Variants in EFHD1 observed in about 807,000 individuals in gnomAD.
The protein encoded by EFHD1 is EF-hand domain-containing protein D1.
A neutral mutation model predicts 17.2 loss-of-function variants in EFHD1; 10 were observed. The ratio of observed to expected loss-of-function variants is 0.58; its 90% confidence interval spans 0.36 to 0.99. The LOEUF (loss-of-function observed/expected upper bound fraction) is 0.99, where lower values mean the gene tolerates loss of function less well. EFHD1 is among the 50% of genes least tolerant of loss of function. The pLI is 0.01. For missense variants in EFHD1, 310 were observed against 327.5 expected, an observed-to-expected ratio of 0.95 and a Z score of 0.41; for synonymous variants, 153 against 142.0, an observed-to-expected ratio of 1.08 and a Z score of -0.55.
intron 3 of EFHD1, among the ~76,000 whole-genome samples, chr2:232,680,846 A>G (rs1349507757): frequency 6.6e-6 from 1 of 151,948 alleles, no homozygotes; most frequent in Non-Finnish European, 1.5e-5. Flanking sequence ...CCTTTGCCAT[A>G]GACAGATGGA....
At chr2:232,649,067 C>T (rs1411698534) in intron 1 of EFHD1, among the ~76,000 whole-genome samples, 1 of 152,134 alleles carries the variant, frequency 6.6e-6, no homozygotes, top group African/African-American at 2.4e-5. Flanking sequence ...AGGATAATTC[C>T]TGGGAGGGAA....
rs1695315200 is a variant in EFHD1 at position 232,682,765 on chromosome 2, T to C, written c.*1046T>C. ...TGCTGTCTTTACAATAAAGAAATCA[T>C]CTGCCTTTCTATCTTACAGCTATTT... On this transcript the variant is annotated 3_prime_UTR_variant, in exon 4 of 4. Transcript: ENST00000264059. The C allele has an allele frequency of 6.6e-6, 1 of 152,240 alleles. No homozygotes were observed. Among genetic ancestry groups the C allele is most frequent in the Non-Finnish European group, 1.5e-5 (1 of 68,042 alleles). The allele number at this position is 152,240 out of a possible 1,614,324, so 9.4% of individuals were successfully genotyped here.
chr2:232,652,368 C>G (rs1169337094), intron 1 of EFHD1, among the ~76,000 whole-genome samples: 12 of 152,136 alleles, frequency 7.9e-5, no homozygotes, highest in Non-Finnish European at 1.5e-5. Context: ...GGACACTGAG[C>G]ACACACTGTG....
At chr2:232,643,203 GAAAA>G (rs1026309159) in intron 1 of EFHD1, among the ~76,000 whole-genome samples, 26 of 151,412 alleles carry the variant, frequency 1.7e-4, no homozygotes, top group African/African-American at 6.3e-4. Context: ...AAAAAAAAAA[GAAAA>G]AATAAACAAT....
chr2:232,619,252 A>C (rs115728317), intron 1 of EFHD1, among the ~76,000 whole-genome samples: 51 of 151,832 alleles, frequency 3.4e-4, no homozygotes, highest in African/African-American at 1.2e-3. Context: ...AGAAAAGCAG[A>C]TTGGTTGTTG....
chr2:232,661,328 C>T (rs1010105841), intron 1 of EFHD1, among the ~76,000 whole-genome samples: 3 of 152,084 alleles, frequency 2.0e-5, no homozygotes, highest in Admixed American at 2.0e-4. Context: ...TCTCTCCCAG[C>T]CCCTGGCAAC....
chr2:232,678,271 G>GA lies in EFHD1; in HGVS notation c.586-3303dup, dbSNP rs200975760. ...ACAGAGTAAGACTCCATCTCAAAAA[G>GA]AAAAAAAAAAAGAATCTTAAAACTT... On this transcript the variant is annotated intron_variant, in intron 3 of 3. Transcript: ENST00000264059. Among the ~76,000 whole-genome samples the GA allele has an allele frequency of 2.7e-3, 364 of 134,456 alleles. 6 individuals carry two copies. Among genetic ancestry groups the GA allele is most frequent in the Admixed American group, 0.02 (263 of 13,304 alleles). 88.2% of individuals were successfully genotyped at this position (134,456 alleles called of 152,430 possible).
At chr2:232,606,263 C>A (rs2106269230) in intron 1 of EFHD1, 4 of 1,455,180 alleles carry the variant, frequency 2.7e-6, no homozygotes, top group African/African-American at 2.8e-5. Flanking sequence ...AGAATAGGTG[C>A]GCGGTAATTC....
chr2:232,651,975 T>C (rs1288224564), intron 1 of EFHD1, among the ~76,000 whole-genome samples: 1 of 152,160 alleles, frequency 6.6e-6, no homozygotes, highest in Non-Finnish European at 1.5e-5. Context: ...GGGGCAGAGC[T>C]GCGGGTTAGG....
upstream of EFHD1, among the ~76,000 whole-genome samples, chr2:232,630,989 G>T (rs1168492014): frequency 6.6e-6 from 1 of 152,126 alleles, no homozygotes; most frequent in African/African-American, 2.4e-5. Context: ...ACTTTGGGAA[G>T]CCAAGACAGG....
chr2:232,668,684 A>G (rs1695010881), intron 2 of EFHD1, among the ~76,000 whole-genome samples: 1 of 152,044 alleles, frequency 6.6e-6, no homozygotes, highest in Non-Finnish European at 1.5e-5. Context: ...CCCAGGCTGG[A>G]GTGCAATGGC....
At chr2:232,625,328 G>A (rs1253154791) in intron 1 of EFHD1, among the ~76,000 whole-genome samples, 1 of 149,566 alleles carries the variant, frequency 6.7e-6, no homozygotes, top group Non-Finnish European at 1.5e-5. Flanking sequence ...TGGCAGAGAT[G>A]GGATCTCGCT....
At chr2:232,668,736 C>T (rs1455088945) in intron 2 of EFHD1, among the ~76,000 whole-genome samples, 1 of 152,122 alleles carries the variant, frequency 6.6e-6, no homozygotes, top group Non-Finnish European at 1.5e-5. Flanking sequence ...CAGATTCAAG[C>T]GATTCTCGTG....
At position 232,672,316 on chromosome 2, in the gene EFHD1, T is replaced by G; in HGVS notation, c.458T>G (p.Leu153Arg). 1 of 1,614,184 alleles carries G rather than the reference T, an allele frequency of 6.2e-7. No individual in the cohort carries two copies. The highest frequency in any genetic ancestry group is 8.5e-7 in the Non-Finnish European group (1 of 1,180,030). Residue 153 changes from leucine to arginine, a missense_variant, in exon 3 of 4, where the codon CTC becomes CGC. Transcript: ENST00000264059. The part of the protein sequence containing the change: ...DGKLSFREFL[L>R]IFHKAAAGEL... ...ACTTTCTTTCCCCTGTAGTTCCTGC[T>G]CATTTTCCACAAGGCCGCGGCAGGG...
At chr2:232,638,655 G>C (rs535176602) in intron 1 of EFHD1, among the ~76,000 whole-genome samples, 2 of 152,310 alleles carry the variant, frequency 1.3e-5, no homozygotes, top group African/African-American at 4.8e-5. Flanking sequence ...TGGGGAGGTG[G>C]AGGTGAGGCT....
upstream of EFHD1, among the ~76,000 whole-genome samples, chr2:232,631,691 TAAAA>T (rs34689384): frequency 3.5e-5 from 4 of 115,780 alleles, no homozygotes; most frequent in Non-Finnish European, 4.9e-5. Flanking sequence ...ATAAGAACAT[TAAAA>T]AAAAAAAAAA....
At chr2:232,638,995 T>G (rs531119939) in intron 1 of EFHD1, among the ~76,000 whole-genome samples, 1 of 152,312 alleles carries the variant, frequency 6.6e-6, no homozygotes, top group East Asian at 1.9e-4. Context: ...CTTGGAACTG[T>G]GTCTTAGACG....
At chr2:232,621,516 A>G (rs1694017813) in intron 1 of EFHD1, among the ~76,000 whole-genome samples, 2 of 152,012 alleles carry the variant, frequency 1.3e-5, no homozygotes, top group South Asian at 4.2e-4. Flanking sequence ...GCAGTGGCGC[A>G]ATCTCAGCTC....
At chr2:232,668,343 T>G (rs1476022521) in intron 2 of EFHD1, among the ~76,000 whole-genome samples, 1 of 152,214 alleles carries the variant, frequency 6.6e-6, no homozygotes. Context: ...ACCCCTGAGG[T>G]GTGACAGGGA....
Sources: allele counts gnomAD v4.1 joint callset (sites outside exome capture counted in the v4.1 genomes callset), GRCh38; gene constraint gnomAD v4.1.1; transcripts MANE v1.5; gene names NCBI Gene and HGNC (gene_info 2026-07-23, HGNC 2026-07-21).